Variants in COL24A1 observed in about 807,000 individuals in gnomAD.
COL24A1 encodes the protein collagen type XXIV alpha 1 chain.
A neutral mutation model predicts 253.9 loss-of-function variants in COL24A1; 224 were observed. The observed-to-expected ratio is 0.88, with a 90% CI of 0.79 to 0.99. The LOEUF is 0.99. COL24A1 is among the 50% of genes least tolerant of loss of function. The probability of loss-of-function intolerance (pLI) is 0.00; values close to 1 mark genes in which losing one functional copy is unlikely to be tolerated. For missense variants in COL24A1, 2,131 were observed against 2,068.5 expected (o/e 1.03, Z -0.59); for synonymous variants, 685 against 673.7 (o/e 1.02, Z -0.26).
chr1:85,847,586 G>T, intron 39 of COL24A1, 79 bp downstream of exon 39: 1 of 946,690 alleles, frequency 1.1e-6, no homozygotes, highest in Non-Finnish European at 1.7e-6. Flanking sequence ...AGCTAATCAA[G>T]GGATGAAACT....
intron 41 of COL24A1, among the ~76,000 whole-genome samples, chr1:85,841,494 T>C (rs903362095): frequency 1.3e-5 from 2 of 152,222 alleles, no homozygotes; most frequent in Admixed American, 6.5e-5. Flanking sequence ...CCTTTAATTA[T>C]ATAAGAAGCA....
intron 47 of COL24A1, among the ~76,000 whole-genome samples, chr1:85,808,629 G>A (rs1672223068): frequency 6.6e-6 from 1 of 152,156 alleles, no homozygotes; most frequent in African/African-American, 2.4e-5. Flanking sequence ...TATCATTCAG[G>A]TCCATTAAAC....
intron 47 of COL24A1, among the ~76,000 whole-genome samples, chr1:85,816,390 T>A (rs181961143): frequency 9.2e-5 from 14 of 152,150 alleles, no homozygotes; most frequent in Non-Finnish European, 1.9e-4. Context: ...GCTATAAAAG[T>A]AAAGGGAAAA....
chr1:85,896,801 G>A (rs991927574), intron 28 of COL24A1, among the ~76,000 whole-genome samples: 1 of 152,134 alleles, frequency 6.6e-6, no homozygotes, highest in Non-Finnish European at 1.5e-5. Flanking sequence ...CACCGCGCAC[G>A]GCCAAGATGT....
intron 3 of COL24A1, among the ~76,000 whole-genome samples, chr1:86,116,206 C>T (rs1182336176): frequency 2.0e-5 from 3 of 152,084 alleles, no homozygotes; most frequent in African/African-American, 7.2e-5. Flanking sequence ...TGGCATTGTT[C>T]TTGGTGTCTA....
In COL24A1 at chr1:86,100,043, G is replaced by A. The variant is rs187466441; in HGVS notation, c.1600-7723C>T. On this transcript the variant is annotated intron_variant, in intron 5 of 59. Coordinates refer to ENST00000370571, the MANE Select transcript of COL24A1 (RefSeq NM_152890.7). ...AGACACATGCACACGTATGTTTATTGCGGCACTATTCACAATAGCAAAGAC... is the reference window on the plus strand; with the variant it reads ...AGACACATGCACACGTATGTTTATTACGGCACTATTCACAATAGCAAAGAC... Among the ~76,000 whole-genome samples the A allele has an allele frequency of 6.2e-4, 94 of 152,014 alleles. 2 individuals carry two copies. The highest frequency in any genetic ancestry group is 7.8e-4 in the Non-Finnish European group (53 of 67,980).
In COL24A1 at chr1:85,871,391, A is replaced by C. The variant is rs183907620; in HGVS notation, c.3139-2556T>G. 5.2e-4 allele frequency among the ~76,000 whole-genome samples: 79 copies of C among 152,202 alleles called. 1 individual carries two copies. The highest frequency in any genetic ancestry group is 1.7e-3 in the African/African-American group (72 of 41,540). On this transcript the variant is annotated intron_variant, in intron 35 of 59. Coordinates refer to ENST00000370571, the MANE Select transcript of COL24A1 (RefSeq NM_152890.7). ...TACCAAAGCCTGGCAGAGACACAAC[A>C]AAAAAAGAGAATTTTAGACCAATAT... is the stretch of plus-strand genomic sequence containing the variant.
chr1:86,027,874 C>A (rs1210304570), intron 14 of COL24A1, among the ~76,000 whole-genome samples: 2 of 152,196 alleles, frequency 1.3e-5, no homozygotes, highest in Non-Finnish European at 2.9e-5. Context: ...GGGGTCTTTA[C>A]CCTTTAAAGC....
chr1:86,104,536 C>T (rs1174381636), intron 5 of COL24A1, among the ~76,000 whole-genome samples: 1 of 152,070 alleles, frequency 6.6e-6, no homozygotes, highest in Non-Finnish European at 1.5e-5. Flanking sequence ...AAATTGATGT[C>T]CTTTGAATGG....
chr1:86,036,096 C>T (rs1333775542), intron 12 of COL24A1, among the ~76,000 whole-genome samples: 2 of 151,842 alleles, frequency 1.3e-5, no homozygotes, highest in African/African-American at 4.8e-5. Flanking sequence ...TTGACTTTGC[C>T]CCTGAAATAA....
intron 59 of COL24A1, among the ~76,000 whole-genome samples, chr1:85,731,141 A>T (rs1180804890): frequency 1.3e-5 from 2 of 152,260 alleles, no homozygotes; most frequent in South Asian, 2.1e-4. Flanking sequence ...AGTCAGAAAT[A>T]GTTAAAATTA....
intron 24 of COL24A1, among the ~76,000 whole-genome samples, chr1:85,922,901 G>A (rs1033498978): frequency 1.3e-5 from 2 of 152,138 alleles, no homozygotes; most frequent in African/African-American, 4.8e-5. Flanking sequence ...AGACCCATCA[G>A]TGTGCTGTAT....
At chr1:86,017,080 C>T (rs768894953) in intron 19 of COL24A1, 71 bp downstream of exon 19, 1 of 1,354,650 alleles carries the variant, frequency 7.4e-7, no homozygotes. Flanking sequence ...TATGTTGAAA[C>T]ATGTTTTATC....
At chr1:85,978,741 T>C (rs915943901) in intron 20 of COL24A1, among the ~76,000 whole-genome samples, 2 of 152,076 alleles carry the variant, frequency 1.3e-5, no homozygotes, top group Non-Finnish European at 2.9e-5. Context: ...ACGATAATAG[T>C]GGGGGATGTT....
intron 37 of COL24A1, among the ~76,000 whole-genome samples, chr1:85,854,406 C>T (rs1229572094): frequency 6.6e-6 from 1 of 152,148 alleles, no homozygotes; most frequent in Non-Finnish European, 1.5e-5. Context: ...TGTGATGCCT[C>T]CAGCTCTATT....
rs767926039 is a variant in COL24A1 at position 85,847,727 on chromosome 1, C to T, written c.3400G>A (p.Gly1134Ser). ...IGPTGEVGSR[G>S]PPGKIGKSGP... ...CTTTTCCCAATTTTTCCAGGAGGAC[C>T]TCTGCTTCCAACTTCTCCTGTGGGT... Residue 1134 changes from glycine (G) to serine (S), a missense_variant, in exon 39 of 60, where the codon GGT (glycine) becomes AGT (serine). Transcript: ENST00000370571. 3.7e-6 allele frequency: 6 copies of T among 1,613,802 alleles called. No individual in the cohort carries two copies. Among genetic ancestry groups the T allele is most frequent in the Non-Finnish European group, 5.1e-6 (6 of 1,179,824 alleles).
rs769251140 is a variant in COL24A1, at chr1:85,784,251, G to A, written c.4167+8C>T. ...AAATGCTTGGTGAATTTCTGAGGTG[G>A]TACATACAGGCTGCCCTTTCAGGCC... On this transcript the variant is annotated splice_region_variant and intron_variant, in intron 49 of 59. Coordinates refer to ENST00000370571, the MANE Select transcript of COL24A1 (RefSeq NM_152890.7). The A allele has an allele frequency of 6.2e-7, 1 of 1,612,908 alleles. No homozygotes were observed. The highest frequency in any genetic ancestry group is 8.5e-7 in the Non-Finnish European group (1 of 1,178,956).
At chr1:85,990,361 T>C (rs1464159408) in intron 19 of COL24A1, among the ~76,000 whole-genome samples, 1 of 152,178 alleles carries the variant, frequency 6.6e-6, no homozygotes, top group Non-Finnish European at 1.5e-5. Flanking sequence ...TGGAGGATAG[T>C]TTCGGGATGA....
At chr1:85,988,574 T>C (rs1355245228) in intron 19 of COL24A1, among the ~76,000 whole-genome samples, 1 of 152,028 alleles carries the variant, frequency 6.6e-6, no homozygotes, top group Non-Finnish European at 1.5e-5. Context: ...TTATTTTCCA[T>C]TGACATTAGT....
Sources: gnomAD v4.1 joint callset for allele counts (sites outside exome capture counted in the v4.1 genomes callset) on GRCh38, gnomAD v4.1.1 for gene constraint, MANE v1.5 for transcripts, NCBI Gene and HGNC (gene_info 2026-07-23, HGNC 2026-07-21) for gene names.